FRYL: variants seen among roughly 807,000 people sequenced by gnomAD.
FRYL encodes FRY like transcription coactivator.
In FRYL, 150 loss-of-function variants were observed where a neutral mutation model predicts 351.2. The observed-to-expected ratio is 0.43, with a 90% CI of 0.37 to 0.49. The LOEUF (loss-of-function observed/expected upper bound fraction) is 0.49, where lower values mean the gene tolerates loss of function less well. Among genes scored for constraint, FRYL ranks in the 20% least tolerant of loss-of-function variants. The probability of loss-of-function intolerance (pLI) is 0.00; values close to 1 mark genes in which losing one functional copy is unlikely to be tolerated. For synonymous variants in FRYL, 1,153 were observed against 1,257.1 expected, an observed-to-expected ratio of 0.92 and a Z score of 1.75; for missense variants, 3,036 against 3,619.3, an observed-to-expected ratio of 0.84 and a Z score of 4.13.
At chr4:48,751,535 CAA>C (rs1469503758) in intron 1 of FRYL, among the ~76,000 whole-genome samples, 1 of 151,926 alleles carries the variant, frequency 6.6e-6, no homozygotes, top group African/African-American at 2.4e-5. Flanking sequence ...TGAAGTCTGA[CAA>C]GAGATACAAA....
Position 48,766,024 on chromosome 4 carries a change from G to A in FRYL, c.-384+14054C>T, listed in dbSNP as rs1485204362. On this transcript the variant is annotated intron_variant, in intron 1 of 63. Coordinates refer to ENST00000358350, the MANE Select transcript of FRYL (RefSeq NM_015030.2). ...TGGAGAAAAGGGAATGCTTGCATACGCTGGTGGGAATGTAAATTGGTACAG... is the reference window on the plus strand; with the variant it reads ...TGGAGAAAAGGGAATGCTTGCATACACTGGTGGGAATGTAAATTGGTACAG... Among the ~76,000 whole-genome samples the A allele has an allele frequency of 3.3e-5, 5 of 152,164 alleles. No homozygotes were observed. The East Asian group carries it at 7.7e-4, about 23-fold the overall frequency.
At chr4:48,599,724 T>C (rs1469954461) in intron 13 of FRYL, among the ~76,000 whole-genome samples, 1 of 152,192 alleles carries the variant, frequency 6.6e-6, no homozygotes, top group Admixed American at 6.6e-5. Context: ...GTTTATCTTC[T>C]TTCAGCCTCA....
intron 1 of FRYL, among the ~76,000 whole-genome samples, chr4:48,763,130 G>C (rs894601056): frequency 4.8e-5 from 3 of 62,566 alleles, no homozygotes; most frequent in Admixed American, 4.6e-4. Flanking sequence ...AAAAAAAAAA[G>C]ATATGGTTTC....
At position 48,549,736 on chromosome 4, in the gene FRYL, TC is replaced by T; in HGVS notation, c.4634-114del. Reference sequence around the variant, plus strand: ...GTATTGGAAAGTGATAAAAAAAATTTCCCACTATTTCAACATGTTTGCTAGG... The same window carrying T: ...GTATTGGAAAGTGATAAAAAAAATTTCCACTATTTCAACATGTTTGCTAGG... On this transcript the variant is annotated intron_variant, in intron 38 of 63. Coordinates refer to ENST00000358350, the MANE Select transcript of FRYL (RefSeq NM_015030.2). The surrounding 1 kb of genome is among the most constrained non-coding windows in gnomAD (Gnocchi z 4.2). The T allele has an allele frequency of 1.2e-6, 1 of 827,244 alleles. No individual in the cohort carries two copies. The highest frequency in any genetic ancestry group is 1.8e-6 in the Non-Finnish European group (1 of 553,270). 51.2% of individuals were successfully genotyped at this position (827,244 alleles called of 1,614,324 possible). A position where few individuals can be genotyped will look rare whatever the true frequency, so the allele number is the denominator to read the frequency against.
intron 27 of FRYL, among the ~76,000 whole-genome samples, chr4:48,568,875 C>T (rs1217216162): frequency 6.6e-6 from 1 of 152,164 alleles, no homozygotes; most frequent in African/African-American, 2.4e-5. Context: ...AACAAATATT[C>T]ATTACCTTCT....
In FRYL at chr4:48,639,882, C is replaced by T. The variant is rs147628734; in HGVS notation, c.-80-5392G>A. On this transcript the variant is annotated intron_variant, in intron 3 of 63. Coordinates refer to ENST00000358350, the MANE Select transcript of FRYL (RefSeq NM_015030.2). Reference sequence around the variant, plus strand: ...ATACACCTTACCAGAAGAAGATGTACAGATGGCAAATAAGCATATGAAAAG... The same window carrying T: ...ATACACCTTACCAGAAGAAGATGTATAGATGGCAAATAAGCATATGAAAAG... Among the ~76,000 whole-genome samples, 6 of 152,176 alleles carry T rather than the reference C, an allele frequency of 3.9e-5. No individual in the cohort carries two copies. The East Asian group carries it at 1.2e-3, about 29-fold the overall frequency.
In FRYL at chr4:48,653,849, C is replaced by G. The variant is rs574217217; in HGVS notation, c.-80-19359G>C. On this transcript the variant is annotated intron_variant, in intron 3 of 63. Transcript: ENST00000358350. Reference sequence around the variant, plus strand: ...GCAGCAGCAGAAGCAGAAGCAGCAGCAGCAGCGGTTTTGCCGTTCTGTCTC... The same window carrying G: ...GCAGCAGCAGAAGCAGAAGCAGCAGGAGCAGCGGTTTTGCCGTTCTGTCTC... 1.4e-5 allele frequency: 18 copies of G among 1,287,698 alleles called. No individual in the cohort carries two copies. In the East Asian group the frequency reaches 6.7e-4, roughly 48 times the overall value. 79.8% of individuals were successfully genotyped at this position (1,287,698 alleles called of 1,614,324 possible).
chr4:48,615,885 T>TA (rs1263996249), intron 7 of FRYL, among the ~76,000 whole-genome samples: 1 of 152,032 alleles, frequency 6.6e-6, no homozygotes, highest in Admixed American at 6.6e-5. Context: ...TCTGCAGCCA[T>TA]AAAAAAGGAT....
At chr4:48,509,239 TA>T (rs1390289804) in intron 59 of FRYL, among the ~76,000 whole-genome samples, 2 of 152,158 alleles carry the variant, frequency 1.3e-5, no homozygotes, top group Non-Finnish European at 2.9e-5. Context: ...GCATTTAGGA[TA>T]AAGAGCCCCT....
At chr4:48,734,403 G>A (rs1771065929) in intron 1 of FRYL, among the ~76,000 whole-genome samples, 1 of 152,156 alleles carries the variant, frequency 6.6e-6, no homozygotes, top group African/African-American at 2.4e-5. Flanking sequence ...ACATCAAAAT[G>A]TGTGAGTGAA....
chr4:48,691,346 G>GA (rs1479812846), intron 2 of FRYL, among the ~76,000 whole-genome samples: 1 of 151,488 alleles, frequency 6.6e-6, no homozygotes, highest in African/African-American at 2.4e-5. Context: ...AGGACCAGTT[G>GA]AAAAAAAATC....
At chr4:48,640,155 G>T (rs556255498) in intron 3 of FRYL, among the ~76,000 whole-genome samples, 1 of 152,140 alleles carries the variant, frequency 6.6e-6, no homozygotes, top group East Asian at 1.9e-4. Flanking sequence ...CATGCTCCCT[G>T]GTATTTACCC....
At chr4:48,500,696 G>GA (rs752170533) in intron 62 of FRYL, among the ~76,000 whole-genome samples, 146 of 152,258 alleles carry the variant, frequency 9.6e-4, no homozygotes, top group Non-Finnish European at 1.4e-3. Context: ...ACAAGGGGGG[G>GA]AAAAGACTAA....
intron 1 of FRYL, among the ~76,000 whole-genome samples, chr4:48,743,274 C>T (rs771671210): frequency 2.6e-5 from 4 of 152,066 alleles, no homozygotes; most frequent in Non-Finnish European, 4.4e-5. Context: ...TAGAAAACCA[C>T]GTCACACCTA....
At chr4:48,651,765 AC>A (rs1169805396) in intron 3 of FRYL, among the ~76,000 whole-genome samples, 2 of 151,996 alleles carry the variant, frequency 1.3e-5, no homozygotes, top group African/African-American at 4.8e-5. Flanking sequence ...TAATATTTTA[AC>A]CCCTCCCCCT....
At chr4:48,547,451 T>C in intron 41 of FRYL, 133 bp downstream of exon 41, 1 of 481,036 alleles carries the variant, frequency 2.1e-6, no homozygotes, top group Non-Finnish European at 3.6e-6. Context: ...TAAATGGTAC[T>C]TAAAATAATA....
intron 3 of FRYL, among the ~76,000 whole-genome samples, chr4:48,641,209 G>C (rs1560771892): frequency 6.6e-6 from 1 of 152,130 alleles, no homozygotes; most frequent in African/African-American, 2.4e-5. Flanking sequence ...TGTGTATGCT[G>C]TGTGTGTTGA....
chr4:48,573,335 T>C, intron 25 of FRYL, 92 bp from the exon 26 acceptor site: 1 of 810,268 alleles, frequency 1.2e-6, no homozygotes, highest in Non-Finnish European at 2.1e-6. Flanking sequence ...AACTGACAAG[T>C]GTTAATTCCA....
At chr4:48,581,106 C>A (rs62309671) in intron 21 of FRYL, among the ~76,000 whole-genome samples, 155 bp from the exon 22 acceptor site, 1 of 149,988 alleles carries the variant, frequency 6.7e-6, no homozygotes, top group South Asian at 2.1e-4. Context: ...AGTGCAGCAG[C>A]GCCATCTCGG....
Sources: gnomAD v4.1 joint callset for allele counts (sites outside exome capture counted in the v4.1 genomes callset) on GRCh38, gnomAD v4.1.1 for gene constraint, Gnocchi (gnomAD v3.1) non-coding constraint, MANE v1.5 for transcripts, NCBI Gene and HGNC (gene_info 2026-07-23, HGNC 2026-07-21) for gene names.